CACNA1D: variants seen among roughly 807,000 people sequenced by gnomAD.
CACNA1D encodes calcium voltage-gated channel subunit alpha1 D.
Under a neutral mutation model 257.1 loss-of-function variants are expected in CACNA1D, and 55 were observed. The observed-to-expected ratio is 0.21, with a 90% CI of 0.17 to 0.27. The LOEUF (loss-of-function observed/expected upper bound fraction) is 0.27, where lower values mean the gene tolerates loss of function less well. Among genes scored for constraint, CACNA1D ranks in the 10% least tolerant of loss-of-function variants. The pLI, the probability that CACNA1D is intolerant of heterozygous loss-of-function variation, is 1.00. For synonymous variants in CACNA1D, 980 were observed against 1,014.9 expected (o/e 0.97, Z 0.65); for missense variants, 1,876 against 2,784.0 (o/e 0.67, Z 7.34).
At chr3:53,539,213 ACTT>A (rs1246150671) in intron 3 of CACNA1D, among the ~76,000 whole-genome samples, 4 of 151,702 alleles carry the variant, frequency 2.6e-5, no homozygotes, top group Admixed American at 6.6e-5. Flanking sequence ...GGGTTCAAGC[ACTT>A]CTTCTGCCTC....
chr3:53,552,625 C>T (rs912331455), intron 3 of CACNA1D, among the ~76,000 whole-genome samples: 2 of 152,212 alleles, frequency 1.3e-5, no homozygotes, highest in African/African-American at 2.4e-5. Context: ...AAGTGATCTG[C>T]CCGCCTCGGC....
intron 9 of CACNA1D, among the ~76,000 whole-genome samples, chr3:53,707,226 G>A (rs1385713245): frequency 6.6e-6 from 1 of 151,954 alleles, no homozygotes; most frequent in African/African-American, 2.4e-5. Context: ...AATCACCTGG[G>A]GAGCTTGGAT....
intron 40 of CACNA1D, among the ~76,000 whole-genome samples, chr3:53,787,653 G>A (rs1442657727): frequency 6.6e-6 from 1 of 152,114 alleles, no homozygotes; most frequent in East Asian, 1.9e-4. Flanking sequence ...TTGCATGCGA[G>A]GAATGTAGAA....
chr3:53,806,171 TCTCCTCCCTCCTCCTCC>T (rs1457324922), intron 45 of CACNA1D, among the ~76,000 whole-genome samples: 3 of 32,442 alleles, frequency 9.2e-5, no homozygotes, highest in East Asian at 1.1e-3. Context: ...TCCCTCCCCC[TCTCCTCCCTCCTCCTCC>T]CTCCTCCCTC....
At chr3:53,679,711 G>A (rs1441487202) in intron 8 of CACNA1D, 1 of 152,208 alleles carries the variant, frequency 6.6e-6, no homozygotes, top group East Asian at 1.9e-4. Flanking sequence ...ATTACTTGTA[G>A]CAAAGTACTT....
chr3:53,605,716 C>G (rs1169749885), intron 3 of CACNA1D, among the ~76,000 whole-genome samples: 1 of 152,180 alleles, frequency 6.6e-6, no homozygotes. Context: ...TTACGAATGT[C>G]CTGTTTCATG....
chr3:53,776,761 G>T, intron 36 of CACNA1D, 31 bp downstream of exon 36: 1 of 1,614,262 alleles, frequency 6.2e-7, no homozygotes, highest in Non-Finnish European at 8.5e-7. Context: ...TTTGGCGTGT[G>T]TGGGTGGATT....
chr3:53,727,014 G>T lies in CACNA1D; in HGVS notation c.2221+15G>T. ...TTGTGGTAACTGTATCCTTCAAGCC[G>T]ACCAGGCTTTGTTGTTGCCGTCGTT... On this transcript the variant is annotated intron_variant, in intron 15 of 47. Coordinates refer to ENST00000350061, the MANE Select transcript of CACNA1D (RefSeq NM_001128840.3). The T allele has an allele frequency of 3.1e-6, 5 of 1,613,998 alleles. No individual in the cohort carries two copies. The highest frequency in any genetic ancestry group is 1.1e-5 in the South Asian group (1 of 91,048).
chr3:53,497,482 G>A (rs1395632431), intron 2 of CACNA1D, 21 bp downstream of exon 2: 3 of 1,610,176 alleles, frequency 1.9e-6, no homozygotes, highest in Non-Finnish European at 2.5e-6. Context: ...TTTGGGGGAA[G>A]TCTTTCTCAT....
chr3:53,805,880 TC>T lies in CACNA1D; in HGVS notation c.5749+736del, dbSNP rs200502818. ...CCTCCCTCATCTTCCCTCCTCCTCC[TC>T]CTCCCGCATCTTCTCCTCCTCCCTC... On this transcript the variant is annotated intron_variant, in intron 45 of 47. Transcript: ENST00000350061. Among the ~76,000 whole-genome samples the T allele has an allele frequency of 6.1e-3, 517 of 84,538 alleles. 8 individuals are homozygous for T. The highest frequency in any genetic ancestry group is 0.024 in the African/African-American group (489 of 20,524). 55.5% of individuals were successfully genotyped at this position (84,538 alleles called of 152,430 possible). A position where few individuals can be genotyped will look rare whatever the true frequency, so the allele number is the denominator to read the frequency against.
At chr3:53,661,082 T>G (rs978833692) in intron 5 of CACNA1D, among the ~76,000 whole-genome samples, 2 of 152,220 alleles carry the variant, frequency 1.3e-5, no homozygotes, top group Non-Finnish European at 2.9e-5. Context: ...CCATAAGGTG[T>G]TTGGGGTTGC....
chr3:53,735,089 A>G (rs886949691), intron 19 of CACNA1D, among the ~76,000 whole-genome samples: 7 of 152,186 alleles, frequency 4.6e-5, no homozygotes, highest in Non-Finnish European at 7.4e-5. Context: ...CAGTTTCCCC[A>G]TCTTGAGGAA....
intron 3 of CACNA1D, among the ~76,000 whole-genome samples, chr3:53,588,414 C>T (rs976295676): frequency 2.6e-5 from 4 of 152,166 alleles, no homozygotes; most frequent in African/African-American, 4.8e-5. Context: ...CAGGTAATCA[C>T]GGCTGAGGAT....
In CACNA1D at chr3:53,730,503, G is replaced by A; in HGVS notation, c.2283G>A (p.Leu761=). 6.2e-7 allele frequency: 1 copy of A among 1,614,174 alleles called. No homozygotes were observed. The highest frequency in any genetic ancestry group is 8.5e-7 in the Non-Finnish European group (1 of 1,179,988). Residue 761 remains leucine (L), a synonymous_variant, in exon 16 of 48, where the codon CTG becomes CTA. Transcript: ENST00000350061. ...AVDNLADAES[L]NTAQKEEAEE... is the part of the protein sequence containing the mutation. ...ACAATTTGGCTGATGCTGAAAGTCT[G>A]AACACTGCTCAGAAAGAAGAAGCGG...
chr3:53,646,966 G>C (rs1032510691), intron 3 of CACNA1D, among the ~76,000 whole-genome samples: 1 of 152,200 alleles, frequency 6.6e-6, no homozygotes, highest in South Asian at 2.1e-4. Flanking sequence ...ATTCTGTACA[G>C]CATTAACTGG....
intron 35 of CACNA1D, 43 bp from the exon 36 acceptor site, chr3:53,776,560 C>A (rs767083448): frequency 1.2e-6 from 2 of 1,613,220 alleles, no homozygotes; most frequent in South Asian, 2.2e-5. Context: ...CTAACGCAAT[C>A]CAGCTGCAGC....
rs1412445754 is a variant in CACNA1D, at chr3:53,802,301, C to T, written c.5435+128C>T. On this transcript the variant is annotated intron_variant, in intron 43 of 47. Transcript: ENST00000350061. ...TATTAAAGGTTATCATAATTCATGG[C>T]TGTGGACTCAGAGGTCAGAGGTTGT... is the stretch of plus-strand genomic sequence containing the variant. 6 of 851,706 alleles carry T rather than the reference C, an allele frequency of 7.0e-6. No individual in the cohort carries two copies. In the African/African-American group the frequency reaches 9.9e-5, roughly 14 times the overall value. The allele number at this position is 851,706 out of a possible 1,614,324, so 52.8% of individuals were successfully genotyped here.
At position 53,549,496 on chromosome 3, in the gene CACNA1D, C is replaced by T. The variant is rs1465100087; in HGVS notation, c.483+47776C>T. 2.6e-5 allele frequency among the ~76,000 whole-genome samples: 4 copies of T among 152,248 alleles called. No homozygotes were observed. The East Asian group carries it at 7.7e-4, about 29-fold the overall frequency. On this transcript the variant is annotated intron_variant, in intron 3 of 47. Coordinates refer to ENST00000350061, the MANE Select transcript of CACNA1D (RefSeq NM_001128840.3). ...GATTACTTTTCTGGACTTAACACTCCTCAGCTGTAAAATGAGGTAGGAAAT... is the reference window on the plus strand; with the variant it reads ...GATTACTTTTCTGGACTTAACACTCTTCAGCTGTAAAATGAGGTAGGAAAT...
At chr3:53,523,415 G>A (rs1284512007) in intron 3 of CACNA1D, among the ~76,000 whole-genome samples, 2 of 152,252 alleles carry the variant, frequency 1.3e-5, no homozygotes, top group Non-Finnish European at 2.9e-5. Context: ...TTTGGACCAA[G>A]CTAGGATATT....
Sources: gnomAD v4.1 joint callset for allele counts (sites outside exome capture counted in the v4.1 genomes callset) on GRCh38, gnomAD v4.1.1 for gene constraint, MANE v1.5 for transcripts, NCBI Gene and HGNC (gene_info 2026-07-23, HGNC 2026-07-21) for gene names.